The following ECE2 variants were observed in gnomAD, a reference collection of about 807,000 sequenced individuals.
The protein encoded by ECE2 is endothelin-converting enzyme 2.
ECE2 carries 81 observed loss-of-function variants against 100.6 expected under a neutral mutation model. The observed-to-expected ratio is 0.81, with a 90% confidence interval of 0.67 to 0.97. The LOEUF is 0.97. ECE2 is among the 50% of genes least tolerant of loss of function. The pLI is 0.00. For missense variants in ECE2, 911 were observed against 988.1 expected (o/e 0.92, Z 1.05); for synonymous variants, 391 against 391.5 (o/e 1.00, Z 0.02).
rs1309428533 is a variant in ECE2, at chr3:184,292,373, T to A, written c.*135T>A. On this transcript the variant is annotated 3_prime_UTR_variant, in exon 19 of 19. Coordinates refer to ENST00000404464, the MANE Select transcript of ECE2 (RefSeq NM_001100121.2). ...TAGTCCCTCCCCCCCACAGGTGACA[T>A]GAGTACAGACCCTCCTCAATCACCA... 45 of 1,022,042 alleles carry A rather than the reference T, an allele frequency of 4.4e-5. No individual in the cohort carries two copies. In the South Asian group the frequency reaches 6.5e-4, roughly 15 times the overall value. The allele number at this position is 1,022,042 out of a possible 1,614,324, so 63.3% of individuals were successfully genotyped here.
chr3:184,292,995 T>A lies in ECE2; in HGVS notation c.*757T>A, dbSNP rs931244275. On this transcript the variant is annotated 3_prime_UTR_variant, in exon 19 of 19. Transcript: ENST00000404464. ...TGGGAGGGTGTGGTCTTGGCCCTTATAGGACCCTGTGCCAATAAACAGACA... is the reference window on the plus strand; with the variant it reads ...TGGGAGGGTGTGGTCTTGGCCCTTAAAGGACCCTGTGCCAATAAACAGACA... The A allele has an allele frequency of 6.6e-6, 1 of 152,250 alleles. No individual in the cohort carries two copies. Among genetic ancestry groups the A allele is most frequent in the Non-Finnish European group, 1.5e-5 (1 of 68,078 alleles). The allele number at this position is 152,250 out of a possible 1,614,324, so 9.4% of individuals were successfully genotyped here.
Position 184,276,148 on chromosome 3 carries a change from T to G in ECE2, c.-6T>G. ...GCCCTGAATCACCGCCTGGCCCGAC[T>G]CCACCATGAACGTCGCGCTGCAGGA... On this transcript the variant is annotated 5_prime_UTR_variant, in exon 1 of 19. Transcript: ENST00000404464. The G allele has an allele frequency of 7.1e-7, 1 of 1,403,786 alleles. No individual in the cohort carries two copies. The highest frequency in any genetic ancestry group is 2.8e-5 in the East Asian group (1 of 35,130). 87.0% of individuals were successfully genotyped at this position (1,403,786 alleles called of 1,614,324 possible).
Position 184,278,541 on chromosome 3 carries a change from G to A in ECE2, c.800G>A (p.Arg267Lys), listed in dbSNP as rs1263942768. 6 of 1,614,066 alleles carry A rather than the reference G, an allele frequency of 3.7e-6. No homozygotes were observed. The highest frequency in any genetic ancestry group is 5.1e-6 in the Non-Finnish European group (6 of 1,180,012). ...CCCTCTCGGGATTACTACTTAAACA[G>A]AACTGCCAATGAGAAAGTAAGGAAC... ...FLPSRDYYLNRTANEKVLTAY... is the reference protein window; with the variant it reads ...FLPSRDYYLNKTANEKVLTAY... The change falls in exon 7 of 19, where the codon AGA becomes AAA. Residue 267 changes from arginine (R) to lysine (K), a missense_variant. Physicochemically the swap from Arg to Lys is conservative, Grantham distance 26. Transcript: ENST00000404464.
Position 184,290,677 on chromosome 3 carries a change from A to T in ECE2, c.1766+10A>T. ...CCCGCAACCACCCCAAGTGTGTCTG[A>T]AGCAGGAGGGGCTGGGTGCTGGGGC... On this transcript the variant is annotated intron_variant, in intron 15 of 18. Transcript: ENST00000404464. The T allele has an allele frequency of 6.2e-7, 1 of 1,613,838 alleles. No homozygotes were observed. Among genetic ancestry groups the T allele is most frequent in the South Asian group, 1.1e-5 (1 of 91,038 alleles).
chr3:184,285,415 T>G, intron 9 of ECE2, 63 bp from the exon 10 acceptor site: 1 of 1,273,050 alleles, frequency 7.9e-7, no homozygotes, highest in Non-Finnish European at 1.1e-6. Context: ...TCCTGGGGGC[T>G]GGTTTGAGGG....
At position 184,277,386 on chromosome 3, in the gene ECE2, C is replaced by G. The variant is rs761920222; in HGVS notation, c.398C>G (p.Pro133Arg). The G allele has an allele frequency of 1.2e-6, 2 of 1,614,116 alleles. No individual in the cohort carries two copies. Reference sequence around the variant, plus strand: ...TGTGGGGGCTGGATTCGGAGGAACCCCCTGCCCGATGGGCGTTCTCGCTGG... The same window carrying G: ...TGTGGGGGCTGGATTCGGAGGAACCGCCTGCCCGATGGGCGTTCTCGCTGG... ...FSCGGWIRRN[P>R]LPDGRSRWNT... Residue 133 changes from proline (P) to arginine (R), a missense_variant, in exon 4 of 19, where the codon CCC becomes CGC. Physicochemically the swap from Pro to Arg is moderately radical, Grantham distance 103. Coordinates refer to ENST00000404464, the MANE Select transcript of ECE2 (RefSeq NM_001100121.2).
In ECE2 at chr3:184,277,343, G is replaced by T; in HGVS notation, c.355G>T (p.Asp119Tyr). Residue 119 changes from aspartate (D) to tyrosine (Y), a missense_variant, in exon 4 of 19, where the codon GAC becomes TAC. Asp to Tyr is a radical substitution (Grantham distance 160). Transcript: ENST00000404464. ...SLDRGVSPCEDFYQFSCGGWI... is the reference protein window; with the variant it reads ...SLDRGVSPCEYFYQFSCGGWI... ...GGACCGAGGGGTGAGCCCCTGTGAG[G>T]ACTTTTACCAGTTCTCCTGTGGGGG... 1 of 1,614,270 alleles carries T rather than the reference G, an allele frequency of 6.2e-7. No homozygotes were observed. Among genetic ancestry groups the T allele is most frequent in the Non-Finnish European group, 8.5e-7 (1 of 1,180,054 alleles).
Position 184,289,540 on chromosome 3 carries a change from G to C in ECE2, c.1473+5G>C, listed in dbSNP as rs746551570. 9 of 1,613,588 alleles carry C rather than the reference G, an allele frequency of 5.6e-6. No homozygotes were observed. Among genetic ancestry groups the C allele is most frequent in the Non-Finnish European group, 7.6e-6 (9 of 1,179,752 alleles). ...CGCCAGGCAGCCAAGGAGAAAGTGA[G>C]CGGTGGCTAGGGTTGGGGCGCCATC... On this transcript the variant is annotated splice_donor_5th_base_variant and intron_variant, in intron 12 of 18. Coordinates refer to ENST00000404464, the MANE Select transcript of ECE2 (RefSeq NM_001100121.2). The surrounding 1 kb of genome is among the most constrained non-coding windows in gnomAD (Gnocchi z 4.1).
Position 184,289,736 on chromosome 3 carries a change from T to G in ECE2, c.1551+18T>G. 6.2e-7 allele frequency: 1 copy of G among 1,601,216 alleles called. No homozygotes were observed. The highest frequency in any genetic ancestry group is 8.5e-7 in the Non-Finnish European group (1 of 1,173,358). ...ATGACGGGGTGAGTACCTACGCTCA[T>G]CAGTACTGAACTTCAGCCCTGTAGA... On this transcript the variant is annotated intron_variant, in intron 13 of 18. Coordinates refer to ENST00000404464, the MANE Select transcript of ECE2 (RefSeq NM_001100121.2). The surrounding 1 kb of genome is among the most constrained non-coding windows in gnomAD (Gnocchi z 4.1).
In ECE2 at chr3:184,289,417, C is replaced by G. The variant is rs1237339559; in HGVS notation, c.1375-20C>G. On this transcript the variant is annotated intron_variant, in intron 11 of 18. Transcript: ENST00000404464. The surrounding 1 kb of genome is among the most constrained non-coding windows in gnomAD (Gnocchi z 4.1). ...TGCATTCAGTGCAGGGGAAGGCTGA[C>G]TTTACCTCCTCCCTCCCAGGCAGAG... 13 of 1,582,022 alleles carry G rather than the reference C, an allele frequency of 8.2e-6. No homozygotes were observed. The highest frequency in any genetic ancestry group is 9.5e-6 in the Non-Finnish European group (11 of 1,163,584).
chr3:184,277,207 C>G, intron 3 of ECE2, 44 bp from the exon 4 acceptor site: 3 of 1,611,842 alleles, frequency 1.9e-6, no homozygotes, highest in Non-Finnish European at 2.5e-6. Context: ...TCCAGACAGA[C>G]AGACTGACAG....
In ECE2 at chr3:184,289,976, T is replaced by A. The variant is rs772603006; in HGVS notation, c.1551+258T>A. On this transcript the variant is annotated intron_variant, in intron 13 of 18. Transcript: ENST00000404464. The surrounding 1 kb of genome is among the most constrained non-coding windows in gnomAD (Gnocchi z 4.1). ...TGTTTCTACCTCTAACTTTGTAACC[T>A]TAACAAAATCTCTCTAGGCCTTGGT... 1.5e-4 allele frequency among the ~76,000 whole-genome samples: 23 copies of A among 152,196 alleles called. No individual in the cohort carries two copies. The highest frequency in any genetic ancestry group is 3.2e-4 in the Non-Finnish European group (22 of 68,048).
intron 10 of ECE2, among the ~76,000 whole-genome samples, chr3:184,286,343 G>C (rs1721035540): frequency 6.6e-6 from 1 of 152,154 alleles, no homozygotes; most frequent in African/African-American, 2.4e-5. Flanking sequence ...TATTGTATTG[G>C]GAAGTCCGGC....
intron 15 of ECE2, 34 bp downstream of exon 15, chr3:184,290,701 G>A (rs981974256): frequency 6.2e-7 from 1 of 1,613,164 alleles, no homozygotes; most frequent in Non-Finnish European, 8.5e-7. Flanking sequence ...GGGTGCTGGG[G>A]CCTGGGCCTG....
rs755861180 is a variant in ECE2 at position 184,283,921 on chromosome 3, AG to A, written c.954del (p.Gln318HisfsTer12). ...QLANITVPQD[Q>X]RRDEEKIYHK... ...GCCAACATCACAGTGCCCCAGGACCAGCGGCGCGACGAGGAGAAGATCTACC... is the reference window on the plus strand; with the variant it reads ...GCCAACATCACAGTGCCCCAGGACCACGGCGCGACGAGGAGAAGATCTACC... On this transcript the variant is annotated frameshift_variant, in exon 8 of 19. Transcript: ENST00000404464. LOFTEE classifies it high-confidence loss of function. The A allele has an allele frequency of 4.3e-6, 7 of 1,614,074 alleles. No homozygotes were observed. The highest frequency in any genetic ancestry group is 5.9e-6 in the Non-Finnish European group (7 of 1,180,030).
At position 184,290,550 on chromosome 3, in the gene ECE2, C is replaced by T. The variant is rs767374796; in HGVS notation, c.1656-7C>T. 267 of 1,613,200 alleles carry T rather than the reference C, an allele frequency of 1.7e-4. No individual in the cohort carries two copies. The highest frequency in any genetic ancestry group is 2.1e-4 in the Non-Finnish European group (253 of 1,179,428). On this transcript the variant is annotated splice_region_variant and splice_polypyrimidine_tract_variant and intron_variant, in intron 14 of 18. Coordinates refer to ENST00000404464, the MANE Select transcript of ECE2 (RefSeq NM_001100121.2). Reference sequence around the variant, plus strand: ...GGAGCCTCAGCCCCTCACTCTTCCTCCGCCAGGTGGAGCATGACCCCCCAG... The same window carrying T: ...GGAGCCTCAGCCCCTCACTCTTCCTTCGCCAGGTGGAGCATGACCCCCCAG...
intron 5 of ECE2, 23 bp downstream of exon 5, chr3:184,278,072 G>C: frequency 1.2e-6 from 2 of 1,613,868 alleles, no homozygotes; most frequent in Non-Finnish European, 1.7e-6. Flanking sequence ...AGCCGGTTGA[G>C]GGCAGGGGAG....
chr3:184,277,865 A>C, intron 4 of ECE2, 60 bp from the exon 5 acceptor site: 1 of 1,591,542 alleles, frequency 6.3e-7, no homozygotes, highest in South Asian at 1.1e-5. Flanking sequence ...AGCAAGGGCC[A>C]GGGACTCCCC....
intron 7 of ECE2, among the ~76,000 whole-genome samples, chr3:184,279,171 G>A (rs1028012387): frequency 1.1e-4 from 16 of 151,744 alleles, no homozygotes; most frequent in African/African-American, 3.9e-4. Context: ...TTAGCCAGTC[G>A]TGGTGGCAGG....
Sources: allele counts gnomAD v4.1 joint callset (sites outside exome capture counted in the v4.1 genomes callset), GRCh38; gene constraint gnomAD v4.1.1; non-coding constraint Gnocchi (gnomAD v3.1); transcripts MANE v1.5; gene names NCBI Gene and HGNC (gene_info 2026-07-23, HGNC 2026-07-21).